Variants in PTPRT observed in about 807,000 individuals in gnomAD.
The protein encoded by PTPRT is receptor-type tyrosine-protein phosphatase T.
A neutral mutation model predicts 176.8 loss-of-function variants in PTPRT; 56 were observed. The observed-to-expected ratio is 0.32, with a 90% CI of 0.26 to 0.40. The LOEUF is 0.40. Among genes scored for constraint, PTPRT ranks in the 10% least tolerant of loss-of-function variants. PTPRT has a pLI of 1.00. For missense variants in PTPRT, 1,540 were observed against 1,908.2 expected (o/e 0.81, Z 3.60); for synonymous variants, 783 against 739.0 (o/e 1.06, Z -0.96).
chr20:42,067,980 GT>G (rs1283134285), downstream of PTPRT, among the ~76,000 whole-genome samples: 1 of 152,184 alleles, frequency 6.6e-6, no homozygotes, highest in African/African-American at 2.4e-5. Flanking sequence ...TACAAGGTGT[GT>G]TATAGAGTTG....
chr20:42,445,537 T>A (rs982978383), intron 9 of PTPRT, among the ~76,000 whole-genome samples: 3 of 152,172 alleles, frequency 2.0e-5, no homozygotes, highest in Admixed American at 1.3e-4. Flanking sequence ...TACACTCATG[T>A]TTATGCTCAC....
chr20:42,352,918 T>C (rs1020913854), intron 9 of PTPRT, among the ~76,000 whole-genome samples: 2 of 152,212 alleles, frequency 1.3e-5, no homozygotes, highest in Non-Finnish European at 2.9e-5. Context: ...TTTTGAATTT[T>C]CTGACAGTCT....
intron 6 of PTPRT, among the ~76,000 whole-genome samples, chr20:42,683,857 C>A (rs1327793559): frequency 3.3e-5 from 5 of 152,150 alleles, no homozygotes; most frequent in Non-Finnish European, 7.3e-5. Context: ...TTTACCTTGA[C>A]AATGAAAGAT....
Position 43,077,029 on chromosome 20 carries a change from G to A in PTPRT, c.88+112617C>T, listed in dbSNP as rs140077482. The stretch of plus-strand genomic sequence containing the variant: ...CAGAAAACATGAATTGGTCCTCATT[G>A]CCAAAGAAGGTTCAGAATATCAAGC... On this transcript the variant is annotated intron_variant, in intron 1 of 30. Transcript: ENST00000373187. 1.0e-3 allele frequency among the ~76,000 whole-genome samples: 158 copies of A among 152,268 alleles called. 2 individuals carry two copies. The highest frequency in any genetic ancestry group is 3.4e-3 in the Middle Eastern group (1 of 294).
chr20:42,373,468 C>A (rs1432301251), intron 9 of PTPRT, among the ~76,000 whole-genome samples: 1 of 152,192 alleles, frequency 6.6e-6, no homozygotes, highest in Non-Finnish European at 1.5e-5. Flanking sequence ...TCAGAGGGAA[C>A]AGAATCCACT....
chr20:42,993,852 G>A (rs139597808), intron 1 of PTPRT, among the ~76,000 whole-genome samples: 1 of 151,864 alleles, frequency 6.6e-6, no homozygotes, highest in African/African-American at 2.4e-5. Context: ...CCCTGACATC[G>A]CTTGTCACAC....
At chr20:42,904,572 A>G (rs2079449211) in intron 1 of PTPRT, among the ~76,000 whole-genome samples, 1 of 152,180 alleles carries the variant, frequency 6.6e-6, no homozygotes, top group African/African-American at 2.4e-5. Flanking sequence ...CAAGGTCTTG[A>G]TACGGGAAGG....
chr20:42,950,632 G>A (rs1280744272), intron 1 of PTPRT, among the ~76,000 whole-genome samples: 1 of 152,148 alleles, frequency 6.6e-6, no homozygotes, highest in Non-Finnish European at 1.5e-5. Context: ...CACTACAGAG[G>A]AGGCACCACA....
chr20:42,819,340 C>A (rs1459135908), intron 2 of PTPRT, among the ~76,000 whole-genome samples: 1 of 152,164 alleles, frequency 6.6e-6, no homozygotes, highest in East Asian at 1.9e-4. Flanking sequence ...CCTTCCCAGA[C>A]AAGCAAATGC....
At chr20:43,036,412 C>A (rs1328544459) in intron 1 of PTPRT, among the ~76,000 whole-genome samples, 8 of 152,104 alleles carry the variant, frequency 5.3e-5, no homozygotes, top group African/African-American at 1.9e-4. Flanking sequence ...TTTAGATTGC[C>A]TTCCCAAAAA....
At chr20:42,630,971 C>T (rs546958297) in intron 7 of PTPRT, among the ~76,000 whole-genome samples, 6 of 152,046 alleles carry the variant, frequency 3.9e-5, no homozygotes, top group Non-Finnish European at 8.8e-5. Context: ...CCCAGGCCTC[C>T]TAAGCTTACT....
chr20:43,027,502 G>T (rs1218601287), intron 1 of PTPRT, among the ~76,000 whole-genome samples: 1 of 151,666 alleles, frequency 6.6e-6, no homozygotes. Flanking sequence ...AGACAGGGTG[G>T]GCTTTAATTC....
intron 15 of PTPRT, among the ~76,000 whole-genome samples, chr20:42,212,362 T>G (rs558770401): frequency 2.3e-4 from 21 of 90,852 alleles, no homozygotes; most frequent in African/African-American, 8.7e-4. Context: ...TCACAAAGTA[T>G]AAGTACCATG....
At chr20:42,524,537 A>C (rs2072235170) in intron 7 of PTPRT, among the ~76,000 whole-genome samples, 1 of 152,112 alleles carries the variant, frequency 6.6e-6, no homozygotes, top group South Asian at 2.1e-4. Context: ...ATCTGTATAC[A>C]TTTTCAGCCT....
chr20:42,456,010 T>C (rs2070916752), intron 8 of PTPRT, among the ~76,000 whole-genome samples: 2 of 152,066 alleles, frequency 1.3e-5, no homozygotes, highest in South Asian at 4.1e-4. Context: ...TGGGAGATAA[T>C]ATCATGTCTT....
At chr20:42,655,473 A>G (rs541202627) in intron 7 of PTPRT, among the ~76,000 whole-genome samples, 51 of 152,350 alleles carry the variant, frequency 3.3e-4, no homozygotes, top group African/African-American at 1.2e-3. Flanking sequence ...CCTGGGTGAC[A>G]GAGCAAGACT....
intron 2 of PTPRT, among the ~76,000 whole-genome samples, chr20:42,861,409 T>C (rs2078657970): frequency 6.6e-6 from 1 of 152,196 alleles, no homozygotes; most frequent in South Asian, 2.1e-4. Flanking sequence ...TCAAATGTAT[T>C]TTTCAACATC....
chr20:42,825,177 A>G (rs1176284561), intron 2 of PTPRT, among the ~76,000 whole-genome samples: 1 of 152,090 alleles, frequency 6.6e-6, no homozygotes, highest in Non-Finnish European at 1.5e-5. Context: ...CAAGTTGTGA[A>G]TCATATAACA....
At chr20:42,766,428 A>G (rs1165536466) in intron 5 of PTPRT, among the ~76,000 whole-genome samples, 1 of 152,146 alleles carries the variant, frequency 6.6e-6, no homozygotes, top group Non-Finnish European at 1.5e-5. Context: ...TTCTAGGCTC[A>G]TGTGTTTGCA....
Sources: allele counts gnomAD v4.1 joint callset (sites outside exome capture counted in the v4.1 genomes callset), GRCh38; gene constraint gnomAD v4.1.1; transcripts MANE v1.5; gene names NCBI Gene and HGNC (gene_info 2026-07-23, HGNC 2026-07-21).